The following CTBP1 variants were observed in gnomAD, a reference collection of about 807,000 sequenced individuals.
CTBP1 encodes C-terminal binding protein 1.
Under a neutral mutation model 42.1 loss-of-function variants are expected in CTBP1, and 11 were observed. The ratio of observed to expected loss-of-function variants is 0.26; its 90% CI spans 0.16 to 0.43. CTBP1 has a LOEUF of 0.43. Among genes scored for constraint, CTBP1 ranks in the 20% least tolerant of loss-of-function variants. The probability of loss-of-function intolerance (pLI) is 1.00; values close to 1 mark genes in which losing one functional copy is unlikely to be tolerated. For synonymous variants in CTBP1, 324 were observed against 277.1 expected (o/e 1.17, Z -1.68); for missense variants, 399 against 624.3 (o/e 0.64, Z 3.85).
intron 5 of CTBP1, among the ~76,000 whole-genome samples, chr4:1,222,739 C>T (rs1222488374): frequency 2.0e-5 from 3 of 152,092 alleles, no homozygotes; most frequent in Admixed American, 2.0e-4. Context: ...GCTGGTTGGG[C>T]CCAGCTCCAC....
intron 2 of CTBP1, among the ~76,000 whole-genome samples, chr4:1,239,160 G>A (rs1195486822): frequency 1.3e-5 from 2 of 152,240 alleles, no homozygotes; most frequent in Non-Finnish European, 1.5e-5. Flanking sequence ...TTCCTTTCGC[G>A]TATGACGCAA....
At chr4:1,245,631 A>C (rs1411782002) in intron 1 of CTBP1, 40 of 982,044 alleles carry the variant, frequency 4.1e-5, no homozygotes, top group Non-Finnish European at 4.8e-5. Flanking sequence ...GCGGCATAGC[A>C]GAGTGGCATG....
rs553081593 is a variant in CTBP1, at chr4:1,234,060, G to A, written c.162+4123C>T. On this transcript the variant is annotated intron_variant, in intron 3 of 9. Transcript: ENST00000382952. ...GGACGAGGAGGGGACGGCAGGGAGAGGCCCTGCTCCCCTCTGTTCTGGAGC... is the reference window on the plus strand; with the variant it reads ...GGACGAGGAGGGGACGGCAGGGAGAAGCCCTGCTCCCCTCTGTTCTGGAGC... Among the ~76,000 whole-genome samples the A allele has an allele frequency of 9.8e-5, 15 of 152,302 alleles. No homozygotes were observed. The South Asian group carries it at 3.1e-3, about 32-fold the overall frequency.
intron 1 of CTBP1, chr4:1,244,620 AG>A: frequency 1.0e-6 from 1 of 985,228 alleles, no homozygotes; most frequent in Non-Finnish European, 1.2e-6. Context: ...TCCCCACAGC[AG>A]CCCCTAAAGC....
chr4:1,213,987 G>C, intron 7 of CTBP1: 1 of 399,294 alleles, frequency 2.5e-6, no homozygotes, highest in Non-Finnish European at 4.5e-6. Context: ...GGCTGCCTGG[G>C]GTCCCAAGGT....
At chr4:1,247,772 G>GT (rs1553852064) in intron 1 of CTBP1, among the ~76,000 whole-genome samples, 4 of 52,372 alleles carry the variant, frequency 7.6e-5, no homozygotes, top group Non-Finnish European at 1.6e-4. Context: ...CGGGGAGGGG[G>GT]GGGGGGCTCG....
chr4:1,214,950 G>A lies in CTBP1; in HGVS notation c.730-477C>T, dbSNP rs184577673. 3.5e-4 allele frequency among the ~76,000 whole-genome samples: 54 copies of A among 152,388 alleles called. 2 individuals carry two copies. Among genetic ancestry groups the A allele is most frequent in the African/African-American group, 1.2e-3 (49 of 41,592 alleles). ...GAGCCTCCGTCTTCGGAACAGGCTC[G>A]CTTTTCATGCACTTTTGCAAAAAGC... On this transcript the variant is annotated intron_variant, in intron 6 of 9. Transcript: ENST00000382952.
At chr4:1,229,886 A>T (rs1730777330) in intron 3 of CTBP1, among the ~76,000 whole-genome samples, 1 of 152,164 alleles carries the variant, frequency 6.6e-6, no homozygotes, top group Non-Finnish European at 1.5e-5. Context: ...GACCACACAG[A>T]CCAGGGCCAC....
intron 8 of CTBP1, among the ~76,000 whole-genome samples, 172 bp from the exon 9 acceptor site, chr4:1,213,202 C>T (rs1728726994): frequency 2.0e-5 from 3 of 152,122 alleles, no homozygotes; most frequent in African/African-American, 7.2e-5. Context: ...GGCACCCTTG[C>T]AGCGTGGGGA....
At chr4:1,228,562 G>A (rs550581591) in intron 3 of CTBP1, among the ~76,000 whole-genome samples, 118 of 152,262 alleles carry the variant, frequency 7.7e-4, no homozygotes, top group African/African-American at 2.6e-3. Context: ...AATTCCCACC[G>A]CAGCCTCCTC....
rs375881744 is a variant in CTBP1, at chr4:1,213,026, C to G, written c.993G>C (p.Arg331=). The G allele has an allele frequency of 3.8e-5, 62 of 1,613,596 alleles. 1 individual carries two copies. In the East Asian group the frequency reaches 1.3e-3, roughly 33 times the overall value. ...AREIRRAITG[R]IPDSLKNCVN... is the part of the protein sequence containing the mutation. ...CACAGTTCTTCAGGCTGTCTGGGAT[C>G]CGGCCTGGGAGATGCAGGAGGAAGG... Residue 331 remains arginine, a synonymous_variant, in exon 9 of 10, where the codon CGG becomes CGC. Transcript: ENST00000382952.
rs754325550 is a variant in CTBP1, at chr4:1,212,901, G to A, written c.1106+12C>T. ...CTCCTGGAGGCTGTTCTGGGCCAGC[G>A]GGCCTGCTCACCTATAGGCAGCCCC... On this transcript the variant is annotated intron_variant, in intron 9 of 9. Transcript: ENST00000382952. The A allele has an allele frequency of 3.2e-5, 52 of 1,609,716 alleles. No individual in the cohort carries two copies. In the East Asian group the frequency reaches 4.9e-4, roughly 15 times the overall value.
At chr4:1,224,763 G>A (rs1415155911) in intron 5 of CTBP1, among the ~76,000 whole-genome samples, 2 of 151,372 alleles carry the variant, frequency 1.3e-5, no homozygotes, top group African/African-American at 2.4e-5. Flanking sequence ...GTGTGTGCCC[G>A]TGAGGTCCAC....
chr4:1,225,682 G>A lies in CTBP1; in HGVS notation c.308-116C>T, dbSNP rs541783844. On this transcript the variant is annotated intron_variant, in intron 4 of 9. Transcript: ENST00000382952. ...CTTCCCAAGGAAGAAGCCAAAGGCC[G>A]TGTCCCCAAGGCCACCCCGGGAGGC... 1.9e-5 allele frequency: 22 copies of A among 1,146,394 alleles called. No individual in the cohort carries two copies. The South Asian group carries it at 2.3e-4, about 12-fold the overall frequency. The allele number at this position is 1,146,394 out of a possible 1,614,324, so 71.0% of individuals were successfully genotyped here.
At position 1,212,977 on chromosome 4, in the gene CTBP1, C is replaced by A; in HGVS notation, c.1042G>T (p.Ala348Ser). The A allele has an allele frequency of 6.2e-7, 1 of 1,613,846 alleles. No individual in the cohort carries two copies. Among genetic ancestry groups the A allele is most frequent in the South Asian group, 1.1e-5 (1 of 91,076 alleles). The change falls in exon 9 of 10, where the codon GCC (alanine) becomes TCC (serine). Residue 348 changes from alanine to serine, a missense_variant. Physicochemically the swap from Ala to Ser is moderately conservative, Grantham distance 99. Transcript: ENST00000382952. ...NCVNKDHLTA[A>S]THWASMDPAV... ...GGGTCCATGCTGGCCCAGTGGGTGG[C>A]GGCTGTCAGATGGTCCTTGTTGACA...
intron 4 of CTBP1, 139 bp downstream of exon 4, chr4:1,228,060 C>T: frequency 9.4e-6 from 11 of 1,175,884 alleles, no homozygotes; most frequent in South Asian, 1.5e-5. Flanking sequence ...CGGCCCCAGA[C>T]GGGACCACGA....
intron 1 of CTBP1, chr4:1,245,143 C>T (rs969928339): frequency 2.4e-5 from 24 of 984,878 alleles, no homozygotes; most frequent in African/African-American, 1.7e-5. Flanking sequence ...AAGTCATCCA[C>T]GAGCCGATAC....
intron 1 of CTBP1, chr4:1,245,041 G>A (rs1250673291): frequency 3.0e-6 from 3 of 985,406 alleles, no homozygotes; most frequent in Non-Finnish European, 3.6e-6. Flanking sequence ...TGAGAGCACG[G>A]GGCCAAGAGA....
At chr4:1,227,285 AGG>A (rs1730456527) in intron 4 of CTBP1, among the ~76,000 whole-genome samples, 1 of 146,544 alleles carries the variant, frequency 6.8e-6, no homozygotes, top group Non-Finnish European at 1.5e-5. Context: ...GCGTGTGCAC[AGG>A]TGCAGATGAG....
Sources: allele counts gnomAD v4.1 joint callset (sites outside exome capture counted in the v4.1 genomes callset), GRCh38; gene constraint gnomAD v4.1.1; transcripts MANE v1.5; gene names NCBI Gene and HGNC (gene_info 2026-07-23, HGNC 2026-07-21).